CCDC148: variants seen among roughly 807,000 people sequenced by gnomAD.
The protein encoded by CCDC148 is coiled-coil domain-containing protein 148.
In CCDC148, 89 loss-of-function variants were observed where a neutral mutation model predicts 85.7. The ratio of observed to expected loss-of-function variants is 1.04; its 90% confidence interval spans 0.87 to 1.24. CCDC148 has a LOEUF of 1.24. CCDC148 is among the 50% of genes most tolerant of loss of function. The probability of loss-of-function intolerance (pLI) is 0.00; values close to 1 mark genes in which losing one functional copy is unlikely to be tolerated. For missense variants in CCDC148, 692 were observed against 671.7 expected (o/e 1.03, Z -0.33); for synonymous variants, 230 against 213.9 (o/e 1.08, Z -0.66).
At chr2:158,187,197 C>T (rs1685195811) in intron 11 of CCDC148, among the ~76,000 whole-genome samples, 1 of 151,996 alleles carries the variant, frequency 6.6e-6, no homozygotes, top group Admixed American at 6.6e-5. Context: ...AACTCATCTT[C>T]ATCCATCCTT....
Position 158,309,115 on chromosome 2 carries a change from C to A in CCDC148, c.1110+318G>T, listed in dbSNP as rs2105208242. Among the ~76,000 whole-genome samples the A allele has an allele frequency of 1.3e-5, 2 of 152,282 alleles. 1 individual carries two copies. Among genetic ancestry groups the A allele is most frequent in the South Asian group, 4.1e-4 (2 of 4,828 alleles). ...TCTTTAGATCAGCATTAGACAGTAA[C>A]TTTATCATTACACTTGCATTTTTGT... On this transcript the variant is annotated intron_variant, in intron 9 of 13. Transcript: ENST00000283233.
intron 9 of CCDC148, among the ~76,000 whole-genome samples, chr2:158,301,115 T>G (rs1691420924): frequency 6.6e-6 from 1 of 152,104 alleles, no homozygotes; most frequent in African/African-American, 2.4e-5. Flanking sequence ...CACCTTAACC[T>G]TCCAAAGCAC....
chr2:158,195,539 G>A (rs1171562242), intron 11 of CCDC148, among the ~76,000 whole-genome samples: 1 of 152,006 alleles, frequency 6.6e-6, no homozygotes, highest in Admixed American at 6.6e-5. Flanking sequence ...GAATTATTAA[G>A]GCTCCTGTCA....
intron 10 of CCDC148, among the ~76,000 whole-genome samples, chr2:158,227,878 A>T (rs1687634847): frequency 6.6e-6 from 1 of 152,200 alleles, no homozygotes; most frequent in Non-Finnish European, 1.5e-5. Flanking sequence ...AGGCAATACC[A>T]TTCAGGACAT....
In CCDC148 at chr2:158,342,016, A is replaced by AT. The variant is rs1559083849; in HGVS notation, c.252-1337dup. Among the ~76,000 whole-genome samples, 12 of 102,876 alleles carry AT rather than the reference A, an allele frequency of 1.2e-4. 1 individual carries two copies. The highest frequency in any genetic ancestry group is 3.3e-4 in the African/African-American group (8 of 24,286). 67.5% of individuals were successfully genotyped at this position (102,876 alleles called of 152,430 possible). A position where few individuals can be genotyped will look rare whatever the true frequency, so the allele number is the denominator to read the frequency against. On this transcript the variant is annotated intron_variant, in intron 3 of 13. Coordinates refer to ENST00000283233, the MANE Select transcript of CCDC148 (RefSeq NM_138803.4). Reference sequence around the variant, plus strand: ...TATTCCATTTTATGTACGTGTCATTATTTTCTTTTCTTTTTTTTTTTTTTT... The same window carrying AT: ...TATTCCATTTTATGTACGTGTCATTATTTTTCTTTTCTTTTTTTTTTTTTTT...
At chr2:158,428,328 G>A (rs183814842) in intron 1 of CCDC148, among the ~76,000 whole-genome samples, 22 of 152,112 alleles carry the variant, frequency 1.4e-4, no homozygotes, top group African/African-American at 2.4e-4. Flanking sequence ...GGGATTGCAC[G>A]GAATAAGAAA....
chr2:158,363,117 G>A (rs1283722473), intron 1 of CCDC148, among the ~76,000 whole-genome samples: 2 of 152,122 alleles, frequency 1.3e-5, no homozygotes, highest in Non-Finnish European at 2.9e-5. Flanking sequence ...TCTAAACCAG[G>A]AAGAAGTCGA....
At chr2:158,441,936 G>T (rs1687951021) in intron 1 of CCDC148, among the ~76,000 whole-genome samples, 1 of 152,060 alleles carries the variant, frequency 6.6e-6, no homozygotes, top group Admixed American at 6.6e-5. Context: ...CTCTACCAAA[G>T]ATTTGGCATA....
At chr2:158,341,020 A>C (rs979123558) in intron 3 of CCDC148, among the ~76,000 whole-genome samples, 1 of 152,174 alleles carries the variant, frequency 6.6e-6, no homozygotes, top group Non-Finnish European at 1.5e-5. Flanking sequence ...GATAGAGCAG[A>C]AGGAGATGTG....
chr2:158,362,294 C>CTTGAACT (rs1321522313), intron 1 of CCDC148, among the ~76,000 whole-genome samples: 2 of 152,166 alleles, frequency 1.3e-5, no homozygotes, highest in African/African-American at 4.8e-5. Flanking sequence ...ATATTCAGGA[C>CTTGAACT]TTGAACTCAG....
intron 7 of CCDC148, among the ~76,000 whole-genome samples, chr2:158,329,551 T>G (rs201480800): frequency 0.18 from 27,067 of 151,774 alleles, 3,120 homozygotes; most frequent in Middle Eastern, 0.26. Context: ...GTGAAGAAAG[T>G]CATTGGTAGC....
rs565845261 is a variant in CCDC148, at chr2:158,259,565, T to C, written c.1111-8653A>G. Among the ~76,000 whole-genome samples, 39 of 152,084 alleles carry C rather than the reference T, an allele frequency of 2.6e-4. 1 individual carries two copies. Among genetic ancestry groups the C allele is most frequent in the Middle Eastern group, 3.4e-3 (1 of 294 alleles). On this transcript the variant is annotated intron_variant, in intron 9 of 13. Transcript: ENST00000283233. ...AGTGTCACTTTGGTTCAAACCATTG[T>C]GTACACATATATTTATTGGATTAAT...
chr2:158,207,800 ATTGAGT>A (rs1307267556), intron 11 of CCDC148, among the ~76,000 whole-genome samples: 1 of 152,202 alleles, frequency 6.6e-6, no homozygotes, highest in African/African-American at 2.4e-5. Context: ...GAGTCAACCT[ATTGAGT>A]AAAGAACTGC....
intron 9 of CCDC148, among the ~76,000 whole-genome samples, chr2:158,261,817 C>T (rs1022907959): frequency 2.0e-5 from 3 of 151,998 alleles, no homozygotes; most frequent in Non-Finnish European, 4.4e-5. Context: ...CAATGAGATA[C>T]CATCTCACAC....
intron 7 of CCDC148, among the ~76,000 whole-genome samples, chr2:158,326,766 A>G (rs896264442): frequency 1.3e-5 from 2 of 152,162 alleles, no homozygotes; most frequent in African/African-American, 2.4e-5. Flanking sequence ...AGAGGATACA[A>G]TAAAAATTCT....
intron 1 of CCDC148, among the ~76,000 whole-genome samples, 174 bp downstream of exon 1, chr2:158,456,241 G>A (rs1046537313): frequency 6.6e-6 from 1 of 152,182 alleles, no homozygotes; most frequent in Non-Finnish European, 1.5e-5. Flanking sequence ...TATCCTCAAA[G>A]GAAATCCTCT....
chr2:158,391,027 G>A (rs1419107282), intron 1 of CCDC148, among the ~76,000 whole-genome samples: 1 of 152,138 alleles, frequency 6.6e-6, no homozygotes, highest in Non-Finnish European at 1.5e-5. Flanking sequence ...TGCCAGGGGT[G>A]AACATACACA....
chr2:158,281,631 A>G (rs1690306673), intron 9 of CCDC148, among the ~76,000 whole-genome samples: 2 of 152,314 alleles, frequency 1.3e-5, no homozygotes, highest in South Asian at 4.1e-4. Context: ...TGTGGCAATA[A>G]TCAACAGCTT....
In CCDC148 at chr2:158,307,964, G is replaced by A. The variant is rs115836233; in HGVS notation, c.1110+1469C>T. Among the ~76,000 whole-genome samples the A allele has an allele frequency of 2.7e-3, 416 of 152,178 alleles. 3 individuals carry two copies. Among genetic ancestry groups the A allele is most frequent in the African/African-American group, 8.6e-3 (358 of 41,504 alleles). ...TCTCAGTGGTTTTTCATGGGTATGC[G>A]TGTGTGTCATAAAGCTTCATCCAAG... On this transcript the variant is annotated intron_variant, in intron 9 of 13. Transcript: ENST00000283233.
Sources: allele counts gnomAD v4.1 joint callset (sites outside exome capture counted in the v4.1 genomes callset), GRCh38; gene constraint gnomAD v4.1.1; transcripts MANE v1.5; gene names NCBI Gene and HGNC (gene_info 2026-07-23, HGNC 2026-07-21).